The following SIK3 variants were observed in gnomAD, a reference collection of about 807,000 sequenced individuals.
SIK3 encodes the protein serine/threonine-protein kinase SIK3.
A neutral mutation model predicts 144.2 loss-of-function variants in SIK3; 28 were observed. The observed-to-expected ratio is 0.19, with a 90% CI of 0.14 to 0.27. The LOEUF (loss-of-function observed/expected upper bound fraction) is 0.27, where lower values mean the gene tolerates loss of function less well. Ranked by LOEUF, SIK3 falls within the 10% of genes least tolerant of loss-of-function variation. The pLI is 1.00. For missense variants in SIK3, 1,319 were observed against 1,776.0 expected (o/e 0.74, Z 4.62); for synonymous variants, 686 against 676.3 (o/e 1.01, Z -0.22).
chr11:117,019,668 C>T (rs974848912), intron 1 of SIK3, among the ~76,000 whole-genome samples: 6 of 151,574 alleles, frequency 4.0e-5, no homozygotes, highest in African/African-American at 1.5e-4. Context: ...GGCTGGGATG[C>T]AGTGGCGTGA....
chr11:117,023,697 C>G (rs10466590), intron 1 of SIK3, among the ~76,000 whole-genome samples: 53,966 of 146,574 alleles, frequency 0.37, 12,244 homozygotes, highest in African/African-American at 0.65. Context: ...TTTTTTTTGA[C>G]ACAGGGTCTC....
chr11:116,875,679 T>A (rs530825407), intron 9 of SIK3, among the ~76,000 whole-genome samples, 187 bp downstream of exon 9: 1 of 152,218 alleles, frequency 6.6e-6, no homozygotes, highest in East Asian at 1.9e-4. Context: ...TTGTTGCTCA[T>A]CCCTCCTCTC....
rs1301464812 is a variant in SIK3 at position 116,885,889 on chromosome 11, A to G, written c.866-8847T>C. ...TATCAAATAACCTCTCATACAGTTT[A>G]CCTCATAAAACAGCTTACCTCAGAC... On this transcript the variant is annotated intron_variant, in intron 6 of 24. Coordinates refer to ENST00000445177, the MANE Select transcript of SIK3 (RefSeq NM_001366686.3). Among the ~76,000 whole-genome samples the G allele has an allele frequency of 3.3e-5, 5 of 152,212 alleles. No homozygotes were observed. In the East Asian group the frequency reaches 9.6e-4, roughly 29 times the overall value.
chr11:117,012,321 G>A (rs891616656), intron 1 of SIK3, among the ~76,000 whole-genome samples: 11 of 151,992 alleles, frequency 7.2e-5, no homozygotes, highest in Non-Finnish European at 1.6e-4. Flanking sequence ...AATGATGCCA[G>A]GCAGCACCAT....
intron 1 of SIK3, among the ~76,000 whole-genome samples, chr11:117,023,621 A>AAAAAAATATATATAT (rs754624841): frequency 2.1e-4 from 20 of 95,382 alleles, no homozygotes; most frequent in African/African-American, 8.7e-4. Context: ...AAAAAAAAAA[A>AAAAAAATATATATAT]ATATATATAT....
At chr11:116,915,654 ATT>A (rs1946596572) in intron 4 of SIK3, among the ~76,000 whole-genome samples, 2 of 152,154 alleles carry the variant, frequency 1.3e-5, no homozygotes, top group Non-Finnish European at 2.9e-5. Flanking sequence ...GTAATGTAAC[ATT>A]TTTAAACTTT....
At chr11:117,072,838 A>G (rs1317422139) in intron 1 of SIK3, among the ~76,000 whole-genome samples, 1 of 152,250 alleles carries the variant, frequency 6.6e-6, no homozygotes, top group African/African-American at 2.4e-5. Flanking sequence ...CTGAAAGTAG[A>G]TCAAAGGTAT....
At chr11:116,862,782 G>A (rs756697835) in intron 16 of SIK3, among the ~76,000 whole-genome samples, 1 of 152,132 alleles carries the variant, frequency 6.6e-6, no homozygotes, top group South Asian at 2.1e-4. Flanking sequence ...TAAATCATGC[G>A]CAGAGTGCCA....
intron 3 of SIK3, among the ~76,000 whole-genome samples, chr11:116,939,421 C>T (rs1321050942): frequency 6.6e-6 from 1 of 152,254 alleles, no homozygotes; most frequent in Non-Finnish European, 1.5e-5. Context: ...GCTGGGATTA[C>T]AGGTGTGAGC....
At chr11:116,934,295 T>C (rs1348825191) in intron 3 of SIK3, among the ~76,000 whole-genome samples, 2 of 152,238 alleles carry the variant, frequency 1.3e-5, no homozygotes, top group Admixed American at 6.5e-5. Flanking sequence ...CAAAAGATGA[T>C]TGAATACATT....
At chr11:116,874,834 T>C (rs1378288093) in intron 11 of SIK3, among the ~76,000 whole-genome samples, 3 of 152,216 alleles carry the variant, frequency 2.0e-5, no homozygotes, top group Non-Finnish European at 4.4e-5. Flanking sequence ...ATTTTAATGT[T>C]GAGAGTCTTC....
chr11:116,860,544 T>A (rs687172), intron 19 of SIK3, among the ~76,000 whole-genome samples: 26,589 of 152,150 alleles, frequency 0.17, 5,081 homozygotes, highest in African/African-American at 0.48. Flanking sequence ...CGGAGGCATG[T>A]CTATAAGGAA....
chr11:116,876,553 C>G (rs1221033940), intron 7 of SIK3, among the ~76,000 whole-genome samples, 190 bp from the exon 8 acceptor site: 1 of 152,196 alleles, frequency 6.6e-6, no homozygotes, highest in East Asian at 1.9e-4. Flanking sequence ...CCTGAGCTCC[C>G]TGGCATACCT....
intron 4 of SIK3, among the ~76,000 whole-genome samples, chr11:116,918,993 T>C (rs192286071): frequency 6.6e-6 from 1 of 152,292 alleles, no homozygotes; most frequent in East Asian, 1.9e-4. Context: ...TAGACTCTAT[T>C]ATGAATTCAG....
intron 1 of SIK3, among the ~76,000 whole-genome samples, chr11:117,018,313 A>G (rs560693461): frequency 2.2e-4 from 34 of 152,192 alleles, no homozygotes; most frequent in Non-Finnish European, 4.0e-4. Flanking sequence ...CAGCATTGGG[A>G]TGAAAACAAA....
intron 3 of SIK3, among the ~76,000 whole-genome samples, chr11:116,938,208 G>C (rs1406097946): frequency 1.8e-4 from 1 of 5,418 alleles, no homozygotes; most frequent in Non-Finnish European, 6.9e-4. Context: ...CTATCTAGAG[G>C]GGAGGGGAGG....
At position 116,974,065 on chromosome 11, in the gene SIK3, T is replaced by C. The variant is rs11216207; in HGVS notation, c.274-17001A>G. On this transcript the variant is annotated intron_variant, in intron 1 of 24. Transcript: ENST00000445177. ...TCCATTAATTATGACAAATGTATCA[T>C]ATTACTGTAAGATAATAAGAATAGA... Among the ~76,000 whole-genome samples the C allele has an allele frequency of 8.0e-3, 1,218 of 152,364 alleles. 15 individuals carry two copies. The highest frequency in any genetic ancestry group is 0.025 in the African/African-American group (1,052 of 41,580).
At chr11:117,082,582 G>A (rs950822995) in intron 1 of SIK3, among the ~76,000 whole-genome samples, 3 of 152,268 alleles carry the variant, frequency 2.0e-5, no homozygotes, top group South Asian at 2.1e-4. Context: ...GACGTAAATC[G>A]ATAAAAATTA....
intron 15 of SIK3, among the ~76,000 whole-genome samples, chr11:116,866,250 A>AG (rs1943628276): frequency 1.3e-5 from 2 of 152,206 alleles, no homozygotes; most frequent in African/African-American, 4.8e-5. Context: ...AAAGGACTTC[A>AG]GCTAAACAAC....
Sources: gnomAD v4.1 joint callset for allele counts (sites outside exome capture counted in the v4.1 genomes callset) on GRCh38, gnomAD v4.1.1 for gene constraint, MANE v1.5 for transcripts, NCBI Gene and HGNC (gene_info 2026-07-23, HGNC 2026-07-21) for gene names.